EXOC6B: variants seen among roughly 807,000 people sequenced by gnomAD.
EXOC6B encodes exocyst complex component 6B, also known as SEC15 homolog B.
EXOC6B carries 54 observed loss-of-function variants against 113.5 expected under a neutral mutation model. The ratio of observed to expected loss-of-function variants is 0.48; its 90% CI spans 0.38 to 0.60. EXOC6B has a LOEUF of 0.60. EXOC6B is among the 20% of genes least tolerant of loss of function. EXOC6B has a pLI of 0.00. For missense variants in EXOC6B, 797 were observed against 977.5 expected, an observed-to-expected ratio of 0.82 and a Z score of 2.46; for synonymous variants, 357 against 339.0, an observed-to-expected ratio of 1.05 and a Z score of -0.58.
At chr2:72,764,974 C>T (rs1485168853) in intron 1 of EXOC6B, among the ~76,000 whole-genome samples, 1 of 152,074 alleles carries the variant, frequency 6.6e-6, no homozygotes, top group African/African-American at 2.4e-5. Context: ...TACTCCCAGC[C>T]AGGTGTGGTG....
intron 8 of EXOC6B, among the ~76,000 whole-genome samples, chr2:72,546,887 T>C (rs1230495618): frequency 6.6e-6 from 1 of 152,234 alleles, no homozygotes; most frequent in Non-Finnish European, 1.5e-5. Context: ...TACAAGGAGA[T>C]ACTCAAATGG....
chr2:72,584,004 G>T (rs1705391066), intron 6 of EXOC6B, among the ~76,000 whole-genome samples: 1 of 152,096 alleles, frequency 6.6e-6, no homozygotes, highest in Non-Finnish European at 1.5e-5. Flanking sequence ...TTGCAGGCAT[G>T]AACCATCCGC....
intron 18 of EXOC6B, among the ~76,000 whole-genome samples, chr2:72,441,777 GA>G (rs1696215550): frequency 6.6e-6 from 1 of 151,048 alleles, no homozygotes; most frequent in African/African-American, 2.4e-5. Flanking sequence ...CCAACAAAAA[GA>G]AAAGCCCAGG....
chr2:72,215,926 C>T (rs1300166850), intron 20 of EXOC6B, among the ~76,000 whole-genome samples: 1 of 152,096 alleles, frequency 6.6e-6, no homozygotes, highest in Non-Finnish European at 1.5e-5. Flanking sequence ...GGGCAGCAAA[C>T]CCTATTGCCT....
intron 17 of EXOC6B, among the ~76,000 whole-genome samples, chr2:72,476,038 G>A (rs756896602): frequency 4.6e-5 from 7 of 152,246 alleles, no homozygotes; most frequent in Admixed American, 2.0e-4. Flanking sequence ...CTAAGATGGC[G>A]GCTTGCTATA....
At chr2:72,677,386 AC>A (rs1676392425) in intron 6 of EXOC6B, among the ~76,000 whole-genome samples, 1 of 152,130 alleles carries the variant, frequency 6.6e-6, no homozygotes, top group Admixed American at 6.5e-5. Context: ...TTAAAAAAAA[AC>A]AAAAAAAGGA....
At chr2:72,428,856 A>G (rs543480766) in intron 18 of EXOC6B, among the ~76,000 whole-genome samples, 15 of 152,322 alleles carry the variant, frequency 9.8e-5, no homozygotes, top group African/African-American at 3.6e-4. Context: ...CGTCCTTTTC[A>G]GAGAGCATTT....
intron 20 of EXOC6B, among the ~76,000 whole-genome samples, chr2:72,266,220 T>C (rs934460630): frequency 1.3e-5 from 2 of 150,988 alleles, no homozygotes; most frequent in Non-Finnish European, 3.0e-5. Flanking sequence ...TTCACTCTGA[T>C]GGTAGTTTCT....
At chr2:72,702,097 G>C (rs1678399449) in intron 6 of EXOC6B, among the ~76,000 whole-genome samples, 1 of 130,788 alleles carries the variant, frequency 7.6e-6, no homozygotes, top group South Asian at 2.7e-4. Context: ...ACAGTCCCCA[G>C]AGTGTGATAT....
intron 6 of EXOC6B, among the ~76,000 whole-genome samples, chr2:72,586,298 G>C (rs1410399891): frequency 6.6e-6 from 1 of 152,036 alleles, no homozygotes; most frequent in East Asian, 1.9e-4. Flanking sequence ...TATCAACAGA[G>C]AAAACAGACA....
rs543085231 is a variant in EXOC6B at position 72,612,903 on chromosome 2, T to C, written c.670-37235A>G. Among the ~76,000 whole-genome samples the C allele has an allele frequency of 4.6e-5, 7 of 152,346 alleles. No individual in the cohort carries two copies. In the East Asian group the frequency reaches 9.6e-4, roughly 21 times the overall value. On this transcript the variant is annotated intron_variant, in intron 6 of 21. Transcript: ENST00000272427. ...TGTCTGTACTCAAAAAAGTTTCTTA[T>C]TGGATGTCTTTAAAGAACAAAATAC...
At chr2:72,599,647 T>C (rs1670286210) in intron 6 of EXOC6B, among the ~76,000 whole-genome samples, 1 of 151,776 alleles carries the variant, frequency 6.6e-6, no homozygotes, top group African/African-American at 2.4e-5. Context: ...AAAATTCCAA[T>C]GAATCACAAG....
chr2:72,767,636 C>T (rs561651279), intron 1 of EXOC6B, among the ~76,000 whole-genome samples: 21 of 149,988 alleles, frequency 1.4e-4, no homozygotes, highest in African/African-American at 4.9e-4. Context: ...ACGGCAAAAC[C>T]CCATCTCTAC....
intron 6 of EXOC6B, among the ~76,000 whole-genome samples, chr2:72,639,387 C>G (rs979311507): frequency 2.6e-5 from 4 of 152,162 alleles, no homozygotes; most frequent in Non-Finnish European, 5.9e-5. Context: ...GATCCAACAC[C>G]ACCTCCGGCA....
At chr2:72,508,499 T>C (rs546146314) in intron 11 of EXOC6B, among the ~76,000 whole-genome samples, 1 of 152,162 alleles carries the variant, frequency 6.6e-6, no homozygotes, top group African/African-American at 2.4e-5. Context: ...CGGCCGGGCA[T>C]AGTGGTTCAT....
At chr2:72,496,314 A>G in intron 14 of EXOC6B, 140 bp downstream of exon 14, 2 of 569,564 alleles carry the variant, frequency 3.5e-6, no homozygotes, top group Non-Finnish European at 6.2e-6. Flanking sequence ...AAAAAGAAAA[A>G]GAAAAAAGAA....
At chr2:72,310,264 G>A (rs1035038252) in intron 20 of EXOC6B, among the ~76,000 whole-genome samples, 5 of 152,082 alleles carry the variant, frequency 3.3e-5, no homozygotes, top group Non-Finnish European at 7.4e-5. Context: ...CAACGAATGA[G>A]GCATCCAATT....
chr2:72,718,685 C>T (rs1475634361), intron 5 of EXOC6B, among the ~76,000 whole-genome samples: 1 of 152,068 alleles, frequency 6.6e-6, no homozygotes, highest in African/African-American at 2.4e-5. Context: ...CAGTAAAACC[C>T]CATCTCTACT....
intron 20 of EXOC6B, among the ~76,000 whole-genome samples, chr2:72,333,805 C>T (rs1253593706): frequency 6.6e-6 from 1 of 152,050 alleles, no homozygotes; most frequent in Non-Finnish European, 1.5e-5. Flanking sequence ...CTTAACAGTG[C>T]TTTCCAGAAT....
Sources: allele counts gnomAD v4.1 joint callset (sites outside exome capture counted in the v4.1 genomes callset), GRCh38; gene constraint gnomAD v4.1.1; transcripts MANE v1.5; gene names NCBI Gene and HGNC (gene_info 2026-07-23, HGNC 2026-07-21).